Variants in CDHR3 observed in about 807,000 individuals in gnomAD.
CDHR3 encodes the protein cadherin related family member 3, also known as cadherin-related family member 3.
Under a neutral mutation model 86.6 loss-of-function variants are expected in CDHR3, and 79 were observed. The ratio of observed to expected loss-of-function variants is 0.91; its 90% CI spans 0.76 to 1.10. CDHR3 has a LOEUF of 1.10. CDHR3 is among the 50% of genes least tolerant of loss of function. CDHR3 has a pLI of 0.00. For missense variants in CDHR3, 1,081 were observed against 1,077.6 expected (o/e 1.00, Z -0.04); for synonymous variants, 421 against 402.4 (o/e 1.05, Z -0.55).
intron 8 of CDHR3, among the ~76,000 whole-genome samples, chr7:106,010,986 T>C (rs1834712750): frequency 6.6e-6 from 1 of 152,168 alleles, no homozygotes; most frequent in East Asian, 1.9e-4. Context: ...CCATGACCAG[T>C]TGTTGGTACG....
chr7:106,031,096 AGGGCCATGCCTC>A (rs1161869987), intron 18 of CDHR3, among the ~76,000 whole-genome samples: 2 of 152,228 alleles, frequency 1.3e-5, no homozygotes, highest in Admixed American at 1.3e-4. Context: ...CTCACGTTCA[AGGGCCATGCCTC>A]TTTCTTGCCT....
At chr7:106,027,601 C>A in intron 16 of CDHR3, 1 of 442,584 alleles carries the variant, frequency 2.3e-6, no homozygotes, top group Non-Finnish European at 4.5e-6. Flanking sequence ...CTGGCTTGGC[C>A]TCAAGTAGAC....
intron 2 of CDHR3, among the ~76,000 whole-genome samples, chr7:105,979,438 C>T (rs944377706): frequency 5.9e-5 from 9 of 152,194 alleles, no homozygotes; most frequent in South Asian, 2.1e-4. Flanking sequence ...CATCTGTGGC[C>T]CTGTTCTCTT....
At chr7:105,990,751 A>G (rs1358886060) in intron 4 of CDHR3, among the ~76,000 whole-genome samples, 1 of 152,042 alleles carries the variant, frequency 6.6e-6, no homozygotes, top group Non-Finnish European at 1.5e-5. Flanking sequence ...GATAGCTGCA[A>G]AGTGGCACAG....
intron 3 of CDHR3, among the ~76,000 whole-genome samples, chr7:105,982,476 AAAAAG>A (rs1235601454): frequency 6.7e-6 from 1 of 148,860 alleles, no homozygotes; most frequent in Non-Finnish European, 1.5e-5. Context: ...CTCAAAAAAA[AAAAAG>A]AAAAAAAAAA....
chr7:106,032,453 T>C lies in CDHR3; in HGVS notation c.2414T>C (p.Leu805Pro), dbSNP rs1218260104. Reference protein sequence around the residue: ...KTGARKWKDPLTQMPKWKESS... With the variant: ...KTGARKWKDPPTQMPKWKESS... ...GGAGCCAGAAAGTGGAAAGATCCAC[T>C]AACCCAAATGCCAAAATGGAAAGAG... is the stretch of plus-strand genomic sequence containing the variant. The change falls in exon 19 of 19, where the codon CTA becomes CCA. Residue 805 changes from leucine to proline, a missense_variant. By Grantham distance (98) the Leu-to-Pro change is moderately conservative. Coordinates refer to ENST00000317716, the MANE Select transcript of CDHR3 (RefSeq NM_152750.5). The C allele has an allele frequency of 6.2e-7, 1 of 1,613,660 alleles. No individual in the cohort carries two copies. The highest frequency in any genetic ancestry group is 8.5e-7 in the Non-Finnish European group (1 of 1,179,804).
Position 105,984,263 on chromosome 7 carries a change from G to C in CDHR3, c.487G>C (p.Asp163His). The change falls in exon 4 of 19, where the codon GAC (aspartate) becomes CAC (histidine). Residue 163 changes from aspartate to histidine, a missense_variant. Physicochemically the swap from Asp to His is moderately conservative, Grantham distance 81. Transcript: ENST00000317716. ...CCAGGTTGAGGCCTTCGATCCAGAA[G>C]ACACAAGCCGAAACATTCCCCTCAG... ...IYQVEAFDPE[D>H]TSRNIPLSYF... 1 of 1,610,240 alleles carries C rather than the reference G, an allele frequency of 6.2e-7. No homozygotes were observed. Among genetic ancestry groups the C allele is most frequent in the Non-Finnish European group, 8.5e-7 (1 of 1,177,534 alleles).
chr7:106,000,003 G>A (rs1026094240), intron 6 of CDHR3, among the ~76,000 whole-genome samples: 1 of 152,368 alleles, frequency 6.6e-6, no homozygotes, highest in East Asian at 1.9e-4. Context: ...AGAAGGGACC[G>A]AGGGGCTTGG....
chr7:106,022,197 G>C lies in CDHR3; in HGVS notation c.1826-1G>C. 1 of 1,613,910 alleles carries C rather than the reference G, an allele frequency of 6.2e-7. No individual in the cohort carries two copies. The highest frequency in any genetic ancestry group is 8.5e-7 in the Non-Finnish European group (1 of 1,179,850). On this transcript the variant is annotated splice_acceptor_variant, in intron 13 of 18. Transcript: ENST00000317716. LOFTEE classifies it high-confidence loss of function. The stretch of plus-strand genomic sequence containing the variant: ...ACACCCCTGCATCAAATCTCATTTA[G>C]GTAACGTCAACAATCATTTCACCTT...
rs1318289424 is a variant in CDHR3 at position 106,017,943 on chromosome 7, T to C, written c.1524T>C (p.Tyr508=). ...SISTGGASLQ[Y]PNVFWINPKT... ...CCACTGGAGGGGCCAGCCTCCAGTA[T>C]CCAAATGTATTTTGGATTAATCCCA... Residue 508 remains tyrosine, a synonymous_variant, in exon 12 of 19, where the codon TAT becomes TAC. Transcript: ENST00000317716. 1 of 1,613,424 alleles carries C rather than the reference T, an allele frequency of 6.2e-7. No homozygotes were observed.
At chr7:105,983,278 G>A (rs1830041059) in intron 3 of CDHR3, among the ~76,000 whole-genome samples, 1 of 152,142 alleles carries the variant, frequency 6.6e-6, no homozygotes, top group Non-Finnish European at 1.5e-5. Flanking sequence ...AACGAAGCAT[G>A]AGAGTGATAA....
At chr7:106,013,113 G>C in intron 9 of CDHR3, 82 bp downstream of exon 9, 1 of 1,334,054 alleles carries the variant, frequency 7.5e-7, no homozygotes. Context: ...CCCATAGAGA[G>C]AAATTTCCAA....
At chr7:106,009,398 A>G (rs780707532) in intron 8 of CDHR3, among the ~76,000 whole-genome samples, 2 of 152,226 alleles carry the variant, frequency 1.3e-5, no homozygotes, top group African/African-American at 2.4e-5. Context: ...CCATCCTCCC[A>G]GCCTTATACC....
rs1172781607 is a variant in CDHR3, at chr7:106,033,752, AT to A, written c.*1056del. On this transcript the variant is annotated 3_prime_UTR_variant, in exon 19 of 19. Transcript: ENST00000317716. ...CAAGACTCCATCTCAGAAAAAAAAAATAAAAGTGAATTACAACACTATGAAC... is the reference window on the plus strand; with the variant it reads ...CAAGACTCCATCTCAGAAAAAAAAAAAAAAGTGAATTACAACACTATGAAC... 1 of 152,180 alleles carries A rather than the reference AT, an allele frequency of 6.6e-6. No individual in the cohort carries two copies. The highest frequency in any genetic ancestry group is 2.4e-5 in the African/African-American group (1 of 41,428). The allele number at this position is 152,180 out of a possible 1,614,324, so 9.4% of individuals were successfully genotyped here. A position where few individuals can be genotyped will look rare whatever the true frequency, so the allele number is the denominator to read the frequency against.
At chr7:105,965,169 T>C (rs1337357473) in intron 1 of CDHR3, among the ~76,000 whole-genome samples, 2 of 152,170 alleles carry the variant, frequency 1.3e-5, no homozygotes, top group Non-Finnish European at 2.9e-5. Flanking sequence ...ACACAAACTG[T>C]TTCTTTTGTG....
intron 1 of CDHR3, among the ~76,000 whole-genome samples, chr7:105,969,460 G>T (rs1827585682): frequency 1.3e-5 from 2 of 151,704 alleles, no homozygotes; most frequent in East Asian, 1.9e-4. Flanking sequence ...GTTTCTGAAT[G>T]GTTTGTAGCA....
intron 8 of CDHR3, among the ~76,000 whole-genome samples, chr7:106,006,987 A>T (rs995743701): frequency 6.6e-5 from 10 of 152,222 alleles, no homozygotes; most frequent in Admixed American, 6.5e-5. Flanking sequence ...TCTCAAATCT[A>T]AGCGGAGGTT....
At chr7:106,001,436 C>T (rs1833156216) in intron 6 of CDHR3, 26 bp from the exon 7 acceptor site, 1 of 1,611,362 alleles carries the variant, frequency 6.2e-7, no homozygotes, top group Non-Finnish European at 8.5e-7. Context: ...TGGAAATTAG[C>T]TGTGTCTGCT....
intron 1 of CDHR3, among the ~76,000 whole-genome samples, chr7:105,965,218 C>G (rs763192018): frequency 1.3e-5 from 2 of 152,202 alleles, no homozygotes; most frequent in Non-Finnish European, 2.9e-5. Context: ...ACTCCAACAC[C>G]TGGGCTACAG....
Sources: gnomAD v4.1 joint callset for allele counts (sites outside exome capture counted in the v4.1 genomes callset) on GRCh38, gnomAD v4.1.1 for gene constraint, MANE v1.5 for transcripts, NCBI Gene and HGNC (gene_info 2026-07-23, HGNC 2026-07-21) for gene names.